Variants in CLSTN1 observed in about 807,000 individuals in gnomAD.
The protein encoded by CLSTN1 is calsyntenin 1, also known as calsyntenin-1.
A neutral mutation model predicts 108.3 loss-of-function variants in CLSTN1; 28 were observed. The observed-to-expected ratio is 0.26, with a 90% CI of 0.19 to 0.35. The LOEUF (loss-of-function observed/expected upper bound fraction) is 0.35, where lower values mean the gene tolerates loss of function less well. Ranked by LOEUF, CLSTN1 falls within the 10% of genes least tolerant of loss-of-function variation. The pLI is 1.00. For missense variants in CLSTN1, 1,157 were observed against 1,302.6 expected, an observed-to-expected ratio of 0.89 and a Z score of 1.72; for synonymous variants, 524 against 534.9, an observed-to-expected ratio of 0.98 and a Z score of 0.28.
intron 1 of CLSTN1, among the ~76,000 whole-genome samples, chr1:9,818,427 C>T (rs1356354791): frequency 2.6e-5 from 4 of 151,786 alleles, no homozygotes; most frequent in African/African-American, 9.7e-5. Flanking sequence ...CTCCCGAGTT[C>T]AAGCAATTCT....
intron 1 of CLSTN1, among the ~76,000 whole-genome samples, chr1:9,818,338 GT>G (rs1028112475): frequency 6.7e-6 from 1 of 149,104 alleles, no homozygotes; most frequent in Non-Finnish European, 1.5e-5. Flanking sequence ...TTTTGTTTTT[GT>G]TTTTTCCTGA....
intron 9 of CLSTN1, among the ~76,000 whole-genome samples, chr1:9,742,380 G>GT (rs1651028954): frequency 6.6e-6 from 1 of 152,098 alleles, no homozygotes; most frequent in African/African-American, 2.4e-5. Context: ...GTGAATAGGG[G>GT]TAACAATGAA....
At chr1:9,775,518 G>A (rs1652895135) in intron 1 of CLSTN1, among the ~76,000 whole-genome samples, 1 of 152,022 alleles carries the variant, frequency 6.6e-6, no homozygotes, top group Non-Finnish European at 1.5e-5. Context: ...AAGTGTCGAT[G>A]TCAGACGTCC....
At chr1:9,736,099 C>G in intron 11 of CLSTN1, 57 bp from the exon 12 acceptor site, 1 of 1,605,266 alleles carries the variant, frequency 6.2e-7, no homozygotes, top group Non-Finnish European at 8.5e-7. Flanking sequence ...TCGCCCAACT[C>G]ACTTCTCACT....
chr1:9,733,822 A>C, intron 15 of CLSTN1, 150 bp downstream of exon 15: 1 of 822,286 alleles, frequency 1.2e-6, no homozygotes, highest in Non-Finnish European at 1.9e-6. Flanking sequence ...GTATGCGTGC[A>C]GCCAACAATG....
chr1:9,776,841 TTATCTATCATCTATCAGCATTTATC>T lies in CLSTN1; in HGVS notation c.92-3472_92-3448del, dbSNP rs1354568352. Among the ~76,000 whole-genome samples, 43 of 150,740 alleles carry T rather than the reference TTATCTATCATCTATCAGCATTTATC, an allele frequency of 2.9e-4. 1 individual carries two copies. Among genetic ancestry groups the T allele is most frequent in the African/African-American group, 9.5e-4 (39 of 40,862 alleles). On this transcript the variant is annotated intron_variant, in intron 1 of 18. Coordinates refer to ENST00000377298, the MANE Select transcript of CLSTN1 (RefSeq NM_001009566.3). The stretch of plus-strand genomic sequence containing the variant: ...GCATTTATCTATCATCTATCAGCAT[TTATCTATCATCTATCAGCATTTATC>T]TATCTATCTATCTATCTATCTATCT...
intron 2 of CLSTN1, among the ~76,000 whole-genome samples, chr1:9,762,451 ACT>A (rs942022325): frequency 1.4e-5 from 2 of 142,090 alleles, no homozygotes; most frequent in Non-Finnish European, 3.0e-5. Flanking sequence ...ACAGAGCGAG[ACT>A]CTGTCTCAAA....
chr1:9,743,852 C>G (rs756730966), intron 9 of CLSTN1, 32 bp downstream of exon 9: 6 of 1,612,036 alleles, frequency 3.7e-6, no homozygotes, highest in Non-Finnish European at 3.4e-6. Context: ...GCACCTTGCC[C>G]GGCCCTATTA....
At chr1:9,740,070 C>A (rs751405316) in intron 10 of CLSTN1, among the ~76,000 whole-genome samples, 16 of 152,038 alleles carry the variant, frequency 1.1e-4, no homozygotes, top group Non-Finnish European at 1.5e-4. Flanking sequence ...CCCACCTCAG[C>A]CTCCCAAAGT....
intron 1 of CLSTN1, among the ~76,000 whole-genome samples, chr1:9,795,961 CA>C (rs70998311): frequency 0.85 from 115,728 of 135,754 alleles, 49,594 homozygotes; most frequent in East Asian, 0.94. Context: ...TCCCCACCTC[CA>C]AAAAAAAAAA....
intron 1 of CLSTN1, among the ~76,000 whole-genome samples, chr1:9,804,457 G>T (rs922250232): frequency 1.3e-5 from 2 of 151,974 alleles, no homozygotes; most frequent in African/African-American, 4.8e-5. Context: ...ACCTGTGAGG[G>T]CCTCCCTGGG....
intron 1 of CLSTN1, among the ~76,000 whole-genome samples, chr1:9,797,480 AT>A (rs563275456): frequency 1.3e-5 from 2 of 151,998 alleles, no homozygotes; most frequent in Non-Finnish European, 2.9e-5. Flanking sequence ...TACAAAATAA[AT>A]TTTTTTAAAA....
chr1:9,796,295 CA>C lies in CLSTN1; in HGVS notation c.92-22902del, dbSNP rs1326877388. 5.6e-3 allele frequency among the ~76,000 whole-genome samples: 681 copies of C among 121,892 alleles called. 6 individuals carry two copies. The highest frequency in any genetic ancestry group is 8.5e-3 in the Non-Finnish European group (495 of 58,226). 80.0% of individuals were successfully genotyped at this position (121,892 alleles called of 152,430 possible). ...AAAAAAAACAAAAAACAAAACAAAA[CA>C]AAAAAAAAAAAACAGGCATTTGACC... is the stretch of plus-strand genomic sequence containing the variant. On this transcript the variant is annotated intron_variant, in intron 1 of 18. Coordinates refer to ENST00000377298, the MANE Select transcript of CLSTN1 (RefSeq NM_001009566.3).
intron 5 of CLSTN1, among the ~76,000 whole-genome samples, chr1:9,750,458 C>T (rs79026420): frequency 0.012 from 1,750 of 151,948 alleles, 34 homozygotes; most frequent in African/African-American, 0.04. Flanking sequence ...CTTTTTGGAA[C>T]AGGGTCTCGT....
intron 1 of CLSTN1, among the ~76,000 whole-genome samples, chr1:9,817,583 C>CT (rs1655023715): frequency 6.6e-6 from 1 of 152,186 alleles, no homozygotes; most frequent in Non-Finnish European, 1.5e-5. Context: ...CTGCCTCGGC[C>CT]TCCCAAAGTG....
At chr1:9,821,291 C>T (rs570201467) in intron 1 of CLSTN1, among the ~76,000 whole-genome samples, 84 of 152,290 alleles carry the variant, frequency 5.5e-4, no homozygotes, top group African/African-American at 2.0e-3. Context: ...CACCAGTACA[C>T]CCAGCTAATT....
At chr1:9,758,069 C>T (rs1183893444) in intron 2 of CLSTN1, among the ~76,000 whole-genome samples, 1 of 152,082 alleles carries the variant, frequency 6.6e-6, no homozygotes, top group Non-Finnish European at 1.5e-5. Flanking sequence ...TCTCGGCTCA[C>T]TGCAACCTCT....
chr1:9,751,079 A>G (rs1382248943), intron 5 of CLSTN1, among the ~76,000 whole-genome samples: 2 of 152,126 alleles, frequency 1.3e-5, no homozygotes, highest in Non-Finnish European at 2.9e-5. Context: ...AAAAACCACA[A>G]AAACAAAAAC....
intron 7 of CLSTN1, among the ~76,000 whole-genome samples, chr1:9,745,765 GTTTTTTTTT>G (rs778360021): frequency 9.9e-6 from 1 of 100,910 alleles, no homozygotes; most frequent in Non-Finnish European, 1.9e-5. Context: ...CTGAATAGTT[GTTTTTTTTT>G]TTTTTTTTTT....
Sources: allele counts gnomAD v4.1 joint callset (sites outside exome capture counted in the v4.1 genomes callset), GRCh38; gene constraint gnomAD v4.1.1; transcripts MANE v1.5; gene names NCBI Gene and HGNC (gene_info 2026-07-23, HGNC 2026-07-21).